LRP2BP: variants seen among roughly 807,000 people sequenced by gnomAD.
LRP2BP encodes the protein LRP2-binding protein.
In LRP2BP, 38 loss-of-function variants were observed where a neutral mutation model predicts 45.2. That is an observed-to-expected ratio of 0.84 (90% CI 0.65 to 1.10). The LOEUF (loss-of-function observed/expected upper bound fraction) is 1.10. Among genes scored for constraint, LRP2BP ranks in the 50% least tolerant of loss-of-function variants. The pLI is 0.00. For synonymous variants in LRP2BP, 153 were observed against 153.9 expected (o/e 0.99, Z 0.04); for missense variants, 385 against 418.9 (o/e 0.92, Z 0.71).
intron 4 of LRP2BP, among the ~76,000 whole-genome samples, chr4:185,374,892 G>A (rs77279218): frequency 0.019 from 2,819 of 152,064 alleles, 85 homozygotes; most frequent in African/African-American, 0.065. Flanking sequence ...AACAAACACC[G>A]TCTTCCATTC....
At chr4:185,383,783 C>A (rs1015168680) in intron 1 of LRP2BP, among the ~76,000 whole-genome samples, 2 of 152,160 alleles carry the variant, frequency 1.3e-5, no homozygotes, top group Non-Finnish European at 2.9e-5. Context: ...CATGACTTGC[C>A]CCCAACAAAA....
chr4:185,377,823 GCTTT>G (rs1186508080), intron 2 of LRP2BP: 4 of 354,058 alleles, frequency 1.1e-5, no homozygotes, highest in African/African-American at 2.1e-5. Context: ...CGTGACATCT[GCTTT>G]CTGTTTTCTA....
At chr4:185,397,099 G>A (rs2095505492), upstream of LRP2BP, 2 of 1,610,264 alleles carry the variant, frequency 1.2e-6, no homozygotes, top group Middle Eastern at 3.9e-4. Flanking sequence ...CCGGAGGGGC[G>A]CGGGACTGGA....
chr4:185,395,262 G>T lies in LRP2BP; in HGVS notation c.-505C>A, dbSNP rs1580026621. 7.1e-6 allele frequency: 7 copies of T among 985,372 alleles called. No individual in the cohort carries two copies. Among genetic ancestry groups the T allele is most frequent in the Admixed American group, 6.1e-5 (1 of 16,276 alleles). 61.0% of individuals were successfully genotyped at this position (985,372 alleles called of 1,614,324 possible). ...GAACAGAATCTTGTTTCAAAGAAAA[G>T]ATATGAAATATGGAGGCACTTTCAC... On this transcript the variant is annotated 5_prime_UTR_variant, in exon 1 of 9. Coordinates refer to ENST00000505916, the MANE Select transcript of LRP2BP (RefSeq NM_001377440.1).
chr4:185,383,986 T>C (rs2095462975), intron 1 of LRP2BP, among the ~76,000 whole-genome samples: 1 of 152,214 alleles, frequency 6.6e-6, no homozygotes, highest in Non-Finnish European at 1.5e-5. Context: ...TTTGCTGTAA[T>C]AACTGTTGCC....
chr4:185,382,490 T>TA lies in LRP2BP; in HGVS notation c.-21-4284dup, dbSNP rs1450286194. 2.0e-5 allele frequency among the ~76,000 whole-genome samples: 3 copies of TA among 152,198 alleles called. No individual in the cohort carries two copies. The East Asian group carries it at 5.8e-4, about 29-fold the overall frequency. On this transcript the variant is annotated intron_variant, in intron 1 of 8. Coordinates refer to ENST00000505916, the MANE Select transcript of LRP2BP (RefSeq NM_001377440.1). The stretch of plus-strand genomic sequence containing the variant: ...CCATTTCACATCCCTACCAATAGTG[T>TA]ATAAGGTTCTACATCCTCACCAACA...
intron 7 of LRP2BP, among the ~76,000 whole-genome samples, chr4:185,371,519 GCA>G (rs1561076261): frequency 6.8e-6 from 1 of 147,252 alleles, no homozygotes; most frequent in Non-Finnish European, 1.5e-5. Context: ...TCCAGCCTGG[GCA>G]ACAGAGCGAG....
Position 185,395,240 on chromosome 4 carries a change from C to A in LRP2BP, c.-483G>T. The A allele has an allele frequency of 1.4e-5, 14 of 985,384 alleles. No individual in the cohort carries two copies. Among genetic ancestry groups the A allele is most frequent in the Non-Finnish European group, 1.6e-5 (13 of 829,904 alleles). 61.0% of individuals were successfully genotyped at this position (985,384 alleles called of 1,614,324 possible). ...TAACTACCACTTAATGCATACTGAA[C>A]AGAATCTTGTTTCAAAGAAAAGATA... On this transcript the variant is annotated 5_prime_UTR_variant, in exon 1 of 9. Transcript: ENST00000505916.
chr4:185,376,340 C>T (rs1051892916), intron 3 of LRP2BP, among the ~76,000 whole-genome samples: 1 of 151,966 alleles, frequency 6.6e-6, no homozygotes, highest in African/African-American at 2.4e-5. Flanking sequence ...TGCAGTGGCA[C>T]GATCTCAGCT....
rs1019951002 is a variant in LRP2BP, at chr4:185,366,949, T to C, written c.*231A>G. 3.0e-5 allele frequency: 13 copies of C among 436,442 alleles called. No individual in the cohort carries two copies. Among genetic ancestry groups the C allele is most frequent in the Non-Finnish European group, 4.5e-5 (11 of 243,320 alleles). 27.0% of individuals were successfully genotyped at this position (436,442 alleles called of 1,614,324 possible). A position where few individuals can be genotyped will look rare whatever the true frequency, so the allele number is the denominator to read the frequency against. On this transcript the variant is annotated 3_prime_UTR_variant, in exon 9 of 9. Coordinates refer to ENST00000505916, the MANE Select transcript of LRP2BP (RefSeq NM_001377440.1). The stretch of plus-strand genomic sequence containing the variant: ...ACTTGATATGGTCTCGGCCAGTCTG[T>C]AGGGTAAGAGGTGGACCTCTGAGGA...
Position 185,395,869 on chromosome 4 carries a change from G to A in LRP2BP, c.-1112C>T. Reference sequence around the variant, plus strand: ...AAAATGTAGGGGAAAAGAAACACTCGGCTGGAGCTTTGGTTTCTAAGCAGA... The same window carrying A: ...AAAATGTAGGGGAAAAGAAACACTCAGCTGGAGCTTTGGTTTCTAAGCAGA... On this transcript the variant is annotated 5_prime_UTR_variant, in exon 1 of 9. Coordinates refer to ENST00000505916, the MANE Select transcript of LRP2BP (RefSeq NM_001377440.1). 1.1e-5 allele frequency: 11 copies of A among 985,466 alleles called. No individual in the cohort carries two copies. Among genetic ancestry groups the A allele is most frequent in the Non-Finnish European group, 1.3e-5 (11 of 829,938 alleles). 61.0% of individuals were successfully genotyped at this position (985,466 alleles called of 1,614,324 possible).
intron 1 of LRP2BP, among the ~76,000 whole-genome samples, chr4:185,389,159 G>T (rs112232201): frequency 0.042 from 6,403 of 151,942 alleles, 162 homozygotes; most frequent in Middle Eastern, 0.071. Context: ...GATTACAGAT[G>T]TGAGCCACTA....
At chr4:185,369,310 C>A (rs2095406401) in intron 8 of LRP2BP, among the ~76,000 whole-genome samples, 1 of 146,614 alleles carries the variant, frequency 6.8e-6, no homozygotes, top group Non-Finnish European at 1.5e-5. Flanking sequence ...CCTCTGCTCC[C>A]AGGTTGAAGC....
chr4:185,369,407 G>T (rs1039963770), intron 8 of LRP2BP, among the ~76,000 whole-genome samples: 1 of 151,550 alleles, frequency 6.6e-6, no homozygotes, highest in African/African-American at 2.4e-5. Context: ...GTAGAGACAG[G>T]ATTATTTAGT....
In LRP2BP at chr4:185,366,081, G is replaced by A. The variant is rs1308261511; in HGVS notation, c.*1099C>T. On this transcript the variant is annotated 3_prime_UTR_variant, in exon 9 of 9. Coordinates refer to ENST00000505916, the MANE Select transcript of LRP2BP (RefSeq NM_001377440.1). ...AAAATAAAGCCACATCCTTTAATAT[G>A]TTTATAAAAAAAGGAATAGTTAAGG... The A allele has an allele frequency of 2.0e-5, 3 of 152,138 alleles. No individual in the cohort carries two copies. Among genetic ancestry groups the A allele is most frequent in the Non-Finnish European group, 4.4e-5 (3 of 68,018 alleles). The allele number at this position is 152,138 out of a possible 1,614,324, so 9.4% of individuals were successfully genotyped here.
intron 1 of LRP2BP, among the ~76,000 whole-genome samples, chr4:185,394,279 AAAAAAAG>A (rs1460554286): frequency 2.8e-4 from 41 of 145,670 alleles, no homozygotes; most frequent in African/African-American, 9.5e-4. Context: ...AAAAAAAAAA[AAAAAAAG>A]GCCTTTGGTT....
In LRP2BP at chr4:185,373,008, G is replaced by A; in HGVS notation, c.651C>T (p.Tyr217=). The A allele has an allele frequency of 6.2e-7, 1 of 1,613,870 alleles. No individual in the cohort carries two copies. Among genetic ancestry groups the A allele is most frequent in the Non-Finnish European group, 8.5e-7 (1 of 1,179,768 alleles). ...CCTGCCGGATGCCTTGTCCATACAA[G>A]TACATGAGCCCAAGTGCACCCTGGG... is the stretch of plus-strand genomic sequence containing the variant. ...LESQGALGLM[Y]LYGQGIRQDT... The change falls in exon 7 of 9, where the codon TAC becomes TAT. Residue 217 remains tyrosine (Y), a synonymous_variant. Coordinates refer to ENST00000505916, the MANE Select transcript of LRP2BP (RefSeq NM_001377440.1).
At chr4:185,374,598 A>G (rs1461688665) in intron 4 of LRP2BP, 137 bp from the exon 5 acceptor site, 5 of 882,586 alleles carry the variant, frequency 5.7e-6, no homozygotes, top group Admixed American at 2.9e-5. Flanking sequence ...AAGGGGTACA[A>G]TTGTCCTGGA....
intron 1 of LRP2BP, among the ~76,000 whole-genome samples, chr4:185,392,783 C>T (rs2095491622): frequency 1.3e-5 from 2 of 152,144 alleles, no homozygotes; most frequent in African/African-American, 4.8e-5. Flanking sequence ...GGACTCTGGT[C>T]AGCATTGATA....
Sources: allele counts gnomAD v4.1 joint callset (sites outside exome capture counted in the v4.1 genomes callset), GRCh38; gene constraint gnomAD v4.1.1; transcripts MANE v1.5; gene names NCBI Gene and HGNC (gene_info 2026-07-23, HGNC 2026-07-21).